TMEM186: variants seen among roughly 807,000 people sequenced by gnomAD.
TMEM186 encodes chromosome 16 open reading frame 51.
In TMEM186, 2 loss-of-function variants were observed where a neutral mutation model predicts 2.5. The ratio of observed to expected loss-of-function variants is 0.79; its 90% CI spans 0.32 to 2.50. The LOEUF is 2.50. Among genes scored for constraint, TMEM186 ranks in the 30% most tolerant of loss-of-function variants. The probability of loss-of-function intolerance (pLI) is 0.11; values close to 1 mark genes in which losing one functional copy is unlikely to be tolerated. For missense variants in TMEM186, 321 were observed against 276.5 expected (o/e 1.16, Z -1.14); for synonymous variants, 120 against 104.9 (o/e 1.14, Z -0.88).
At position 8,796,171 on chromosome 16, in the gene TMEM186, C is replaced by A; in HGVS notation, c.423G>T (p.Arg141=). Residue 141 remains arginine, a synonymous_variant, in exon 2 of 2, where the codon CGG becomes CGT. Coordinates refer to ENST00000333050, the MANE Select transcript of TMEM186 (RefSeq NM_015421.4). ...AGCCCCAGAAGTTCAGATGGGCCAC[C>A]CGCAGCATGGTGCCAGACTCATTCA... ...LYLNESGTML[R]VAHLNFWGWR... is the part of the protein sequence containing the mutation. 6.2e-7 allele frequency: 1 copy of A among 1,614,206 alleles called. No homozygotes were observed.
At chr16:8,796,909 G>C (rs1337846992) in intron 1 of TMEM186, among the ~76,000 whole-genome samples, 4 of 152,178 alleles carry the variant, frequency 2.6e-5, no homozygotes, top group Non-Finnish European at 5.9e-5. Flanking sequence ...TACAGGAAAG[G>C]AGGTGCGGCC....
intron 1 of TMEM186, 57 bp from the exon 2 acceptor site, chr16:8,796,647 G>A (rs926108745): frequency 3.2e-6 from 5 of 1,569,832 alleles, no homozygotes; most frequent in Non-Finnish European, 4.3e-6. Flanking sequence ...TTAATCACAC[G>A]GTGAACATCT....
chr16:8,795,929 C>G lies in TMEM186; in HGVS notation c.*23G>C, dbSNP rs375309687. 6.3e-7 allele frequency: 1 copy of G among 1,595,674 alleles called. No individual in the cohort carries two copies. Among genetic ancestry groups the G allele is most frequent in the Non-Finnish European group, 8.6e-7 (1 of 1,168,316 alleles). ...GTTAATCCAGGCGACCCAGGGTTAC[C>G]CAGAGGTCCAGGTCCCAGTTGTTCA... On this transcript the variant is annotated 3_prime_UTR_variant, in exon 2 of 2. Transcript: ENST00000333050.
Position 8,796,517 on chromosome 16 carries a change from C to T in TMEM186, c.77G>A (p.Cys26Tyr). The T allele has an allele frequency of 6.2e-7, 1 of 1,614,200 alleles. No individual in the cohort carries two copies. Among genetic ancestry groups the T allele is most frequent in the Non-Finnish European group, 8.5e-7 (1 of 1,180,036 alleles). ...CTTAGGATCCTCCTGCCCACTGCAG[C>T]ACCACAGCCCATGGAGAGGCCTTTC... ...VWERPLHGLW[C>Y]CSGQEDPKRW... Residue 26 changes from cysteine (C) to tyrosine (Y), a missense_variant, in exon 2 of 2, where the codon TGC (cysteine) becomes TAC (tyrosine). By Grantham distance (194) the Cys-to-Tyr change is radical. Transcript: ENST00000333050.
chr16:8,796,364 G>A lies in TMEM186; in HGVS notation c.230C>T (p.Ala77Val). 6.2e-7 allele frequency: 1 copy of A among 1,614,206 alleles called. No homozygotes were observed. The highest frequency in any genetic ancestry group is 8.5e-7 in the Non-Finnish European group (1 of 1,180,042). ...TFGFLSRLKL[A>V]QTALTVVALP... ...AGCTACCACTGTCAGGGCAGTCTGT[G>A]CCAACTTCAGTCGTGACAGGAACCC... Residue 77 changes from alanine to valine, a missense_variant, in exon 2 of 2, where the codon GCA becomes GTA. Coordinates refer to ENST00000333050, the MANE Select transcript of TMEM186 (RefSeq NM_015421.4).
At chr16:8,796,801 T>C (rs1007928729) in intron 1 of TMEM186, among the ~76,000 whole-genome samples, 7 of 152,196 alleles carry the variant, frequency 4.6e-5, no homozygotes, top group Admixed American at 4.6e-4. Context: ...ACTTTACCAC[T>C]AGGGAAACTA....
chr16:8,797,601 C>A lies in TMEM186; in HGVS notation c.3+11G>T. The A allele has an allele frequency of 1.9e-6, 3 of 1,604,338 alleles. No homozygotes were observed. Among genetic ancestry groups the A allele is most frequent in the East Asian group, 4.5e-5 (2 of 44,570 alleles). The stretch of plus-strand genomic sequence containing the variant: ...CATCACCCCCTCAAGGCTCGCCACC[C>A]GCCTCCTTACCATGGCCCCACCACC... On this transcript the variant is annotated intron_variant, in intron 1 of 1. Coordinates refer to ENST00000333050, the MANE Select transcript of TMEM186 (RefSeq NM_015421.4).
intron 1 of TMEM186, among the ~76,000 whole-genome samples, chr16:8,796,866 G>A (rs1397115689): frequency 6.6e-6 from 1 of 152,210 alleles, no homozygotes; most frequent in Non-Finnish European, 1.5e-5. Context: ...GAGTGCAGCA[G>A]AGTCCTCCTT....
chr16:8,797,465 C>T, intron 1 of TMEM186, 147 bp downstream of exon 1: 1 of 1,091,416 alleles, frequency 9.2e-7, no homozygotes, highest in Admixed American at 2.7e-5. Flanking sequence ...AAGAGAAAGC[C>T]CGGGAAAAGC....
In TMEM186 at chr16:8,797,632, C is replaced by A; in HGVS notation, c.-18G>T. 1 of 1,602,128 alleles carries A rather than the reference C, an allele frequency of 6.2e-7. No individual in the cohort carries two copies. The highest frequency in any genetic ancestry group is 1.3e-5 in the African/African-American group (1 of 74,678). Reference sequence around the variant, plus strand: ...CTTACCATGGCCCCACCACCTGCTGCCGGAAGTAAATCCCACCGGCCCCCG... The same window carrying A: ...CTTACCATGGCCCCACCACCTGCTGACGGAAGTAAATCCCACCGGCCCCCG... On this transcript the variant is annotated 5_prime_UTR_variant, in exon 1 of 2. Transcript: ENST00000333050.
At position 8,795,664 on chromosome 16, in the gene TMEM186, G is replaced by A. The variant is rs1289068910; in HGVS notation, c.*288C>T. 5.5e-6 allele frequency: 2 copies of A among 362,082 alleles called. No homozygotes were observed. Among genetic ancestry groups the A allele is most frequent in the Non-Finnish European group, 1.0e-5 (2 of 197,650 alleles). The allele number at this position is 362,082 out of a possible 1,614,324, so 22.4% of individuals were successfully genotyped here. On this transcript the variant is annotated 3_prime_UTR_variant, in exon 2 of 2. Transcript: ENST00000333050. ...TCTTTCACACCAATGGACTCTATGG[G>A]TGACCTTGGCATAGGTTCTTCTAAG...
Position 8,796,197 on chromosome 16 carries a change from G to C in TMEM186, c.397C>G (p.Leu133Val), listed in dbSNP as rs1376191417. 6.2e-7 allele frequency: 1 copy of C among 1,614,218 alleles called. No homozygotes were observed. Among genetic ancestry groups the C allele is most frequent in the Non-Finnish European group, 8.5e-7 (1 of 1,180,040 alleles). ...FLRRLVGILY[L>V]NESGTMLRVA... ...CGCAGCATGGTGCCAGACTCATTCA[G>C]ATACAGGATACCAACCAGTCTCCGT... is the stretch of plus-strand genomic sequence containing the variant. The change falls in exon 2 of 2, where the codon CTG becomes GTG. Residue 133 changes from leucine to valine, a missense_variant. Transcript: ENST00000333050.
rs780302146 is a variant in TMEM186 at position 8,796,436 on chromosome 16, G to A, written c.158C>T (p.Thr53Ile). 2 of 1,614,212 alleles carry A rather than the reference G, an allele frequency of 1.2e-6. No homozygotes were observed. The highest frequency in any genetic ancestry group is 2.2e-5 in the South Asian group (2 of 91,086). Residue 53 changes from threonine to isoleucine, a missense_variant, in exon 2 of 2, where the codon ACT becomes ATT. Physicochemically the swap from Thr to Ile is moderately conservative, Grantham distance 89. Transcript: ENST00000333050. Reference protein sequence around the residue: ...ISKEKLPNAETEKFWMFYRFD... With the variant: ...ISKEKLPNAEIEKFWMFYRFD... ...ACGGTAAAACATCCAGAATTTCTCA[G>A]TCTCTGCGTTTGGTAGTTTCTCCTT...
At position 8,796,538 on chromosome 16, in the gene TMEM186, C is replaced by G. The variant is rs749446381; in HGVS notation, c.56G>C (p.Arg19Thr). 1.2e-5 allele frequency: 19 copies of G among 1,614,174 alleles called. No homozygotes were observed. Among genetic ancestry groups the G allele is most frequent in the Admixed American group, 6.7e-5 (4 of 60,020 alleles). Reference sequence around the variant, plus strand: ...GCAGCACCACAGCCCATGGAGAGGCCTTTCCCACACAGCTTTTCCCCGAAA... The same window carrying G: ...GCAGCACCACAGCCCATGGAGAGGCGTTTCCCACACAGCTTTTCCCCGAAA... ...RRFRGKAVWERPLHGLWCCSG... is the reference protein window; with the variant it reads ...RRFRGKAVWETPLHGLWCCSG... The change falls in exon 2 of 2, where the codon AGG becomes ACG. Residue 19 changes from arginine to threonine, a missense_variant. Transcript: ENST00000333050.
Position 8,796,013 on chromosome 16 carries a change from C to T in TMEM186, c.581G>A (p.Gly194Glu). 2 of 1,614,200 alleles carry T rather than the reference C, an allele frequency of 1.2e-6. No homozygotes were observed. The highest frequency in any genetic ancestry group is 1.3e-5 in the African/African-American group (1 of 75,046). Residue 194 changes from glycine (G) to glutamate (E), a missense_variant, in exon 2 of 2, where the codon GGA becomes GAA. Gly to Glu is a moderately conservative substitution (Grantham distance 98). Coordinates refer to ENST00000333050, the MANE Select transcript of TMEM186 (RefSeq NM_015421.4). ...GAAACGCTCTCTGTCCAGGATGCGT[C>T]CATAGCGCAGGGTGACGTAGAAGGT... Reference protein sequence around the residue: ...KQTFYVTLRYGRILDRERFTQ... With the variant: ...KQTFYVTLRYERILDRERFTQ...
chr16:8,797,058 A>G (rs943230348), intron 1 of TMEM186, among the ~76,000 whole-genome samples: 9 of 152,206 alleles, frequency 5.9e-5, no homozygotes, highest in African/African-American at 2.2e-4. Context: ...AATCTGTGAG[A>G]TATTTATTCC....
chr16:8,796,496 G>A lies in TMEM186; in HGVS notation c.98C>T (p.Pro33Leu). 1 of 1,614,136 alleles carries A rather than the reference G, an allele frequency of 6.2e-7. No homozygotes were observed. The highest frequency in any genetic ancestry group is 1.1e-5 in the South Asian group (1 of 91,072). ...TGAACTGCTGCCCACCCACCTCTTA[G>A]GATCCTCCTGCCCACTGCAGCACCA... ...GLWCCSGQED[P>L]KRWVGSSSPI... The change falls in exon 2 of 2, where the codon CCT (proline) becomes CTT (leucine). Residue 33 changes from proline (P) to leucine (L), a missense_variant. Coordinates refer to ENST00000333050, the MANE Select transcript of TMEM186 (RefSeq NM_015421.4).
rs1479598111 is a variant in TMEM186, at chr16:8,796,087, G to A, written c.507C>T (p.Asp169=). The part of the protein sequence containing the change: ...ADVIPLTETK[D]RPQEMFVRIQ... ...TACGCACAAACATCTCCTGAGGCCG[G>A]TCCTTGGTTTCTGTCAGGGGAATCA... The change falls in exon 2 of 2, where the codon GAC becomes GAT. Residue 169 remains aspartate, a synonymous_variant. Transcript: ENST00000333050. 6.2e-7 allele frequency: 1 copy of A among 1,614,230 alleles called. No individual in the cohort carries two copies. Among genetic ancestry groups the A allele is most frequent in the Non-Finnish European group, 8.5e-7 (1 of 1,180,046 alleles).
intron 1 of TMEM186, among the ~76,000 whole-genome samples, chr16:8,796,827 A>G (rs998158144): frequency 2.0e-5 from 3 of 152,230 alleles, no homozygotes; most frequent in African/African-American, 7.2e-5. Flanking sequence ...AGAGAGGGTA[A>G]GATATTTACC....
Sources: allele counts gnomAD v4.1 joint callset (sites outside exome capture counted in the v4.1 genomes callset), GRCh38; gene constraint gnomAD v4.1.1; transcripts MANE v1.5; gene names NCBI Gene and HGNC (gene_info 2026-07-23, HGNC 2026-07-21).